The following CDC25B variants were observed in gnomAD, a reference collection of about 807,000 sequenced individuals.
The protein encoded by CDC25B is M-phase inducer phosphatase 2.
In CDC25B, 33 loss-of-function variants were observed where a neutral mutation model predicts 69.8. That is an observed-to-expected ratio of 0.47 (90% CI 0.36 to 0.63). The LOEUF (loss-of-function observed/expected upper bound fraction) is 0.63. Ranked by LOEUF, CDC25B falls within the 30% of genes least tolerant of loss-of-function variation. CDC25B has a pLI of 0.00. For synonymous variants in CDC25B, 341 were observed against 314.6 expected, an observed-to-expected ratio of 1.08 and a Z score of -0.89; for missense variants, 727 against 809.1, an observed-to-expected ratio of 0.90 and a Z score of 1.23.
chr20:3,787,251 A>G (rs2088841224), intron 1 of CDC25B: 1 of 521,350 alleles, frequency 1.9e-6, no homozygotes, highest in Non-Finnish European at 3.4e-6. Flanking sequence ...TATATCTGGC[A>G]TCTCCTGCTG....
chr20:3,790,661 C>T (rs2088900775), intron 1 of CDC25B, among the ~76,000 whole-genome samples: 1 of 152,016 alleles, frequency 6.6e-6, no homozygotes, highest in Non-Finnish European at 1.5e-5. Context: ...ACCTCTGCCT[C>T]GTAGGTTCAG....
chr20:3,790,326 A>C (rs1200375590), intron 1 of CDC25B, among the ~76,000 whole-genome samples: 2 of 151,884 alleles, frequency 1.3e-5, no homozygotes, highest in African/African-American at 4.8e-5. Flanking sequence ...CACCCATTTA[A>C]AGTGTACAGT....
Position 3,804,687 on chromosome 20 carries a change from T to G in CDC25B, c.1602+7T>G. ...GTTCTTCCCTCAGCACCCGGTAGCG[T>G]GGGTGGGGAAGGCCACAGTCTCTGT... On this transcript the variant is annotated splice_region_variant and intron_variant, in intron 15 of 15. Transcript: ENST00000245960. 7.0e-7 allele frequency: 1 copy of G among 1,430,556 alleles called. No homozygotes were observed. The highest frequency in any genetic ancestry group is 9.3e-7 in the Non-Finnish European group (1 of 1,073,970). 88.6% of individuals were successfully genotyped at this position (1,430,556 alleles called of 1,614,324 possible).
chr20:3,788,703 A>G (rs774133859), intron 1 of CDC25B, among the ~76,000 whole-genome samples: 14 of 151,742 alleles, frequency 9.2e-5, no homozygotes, highest in Non-Finnish European at 1.5e-4. Context: ...ACTCCTTGCC[A>G]TGCATCTTTT....
exon 1 of CDC25B, chr20:3,787,082 A>G (rs2088838277): frequency 1.7e-6 from 1 of 596,026 alleles, no homozygotes; most frequent in African/African-American, 1.9e-5. Context: ...TTTTTGCGGA[A>G]CCTGAAAAAT....
At chr20:3,789,990 A>G (rs953334201) in intron 1 of CDC25B, among the ~76,000 whole-genome samples, 3 of 148,010 alleles carry the variant, frequency 2.0e-5, no homozygotes, top group African/African-American at 7.4e-5. Flanking sequence ...CTCTGTCTCA[A>G]AAAAAAAAAA....
Position 3,804,668 on chromosome 20 carries a change from C to T in CDC25B, c.1590C>T (p.Phe530=). The change falls in exon 15 of 16, where the codon TTC becomes TTT. Residue 530 remains phenylalanine (F), a synonymous_variant. Transcript: ENST00000245960. Reference sequence around the variant, plus strand: ...TGAAAGGCGGCTACAAGGAGTTCTTCCCTCAGCACCCGGTAGCGTGGGTGG... The same window carrying T: ...TGAAAGGCGGCTACAAGGAGTTCTTTCCTCAGCACCCGGTAGCGTGGGTGG... The part of the protein sequence containing the change: ...YILKGGYKEF[F]PQHPNFCEPQ... 1 of 1,612,964 alleles carries T rather than the reference C, an allele frequency of 6.2e-7. No homozygotes were observed.
At chr20:3,795,047 G>A (rs2088989726), upstream of CDC25B, among the ~76,000 whole-genome samples, 1 of 152,168 alleles carries the variant, frequency 6.6e-6, no homozygotes, top group African/African-American at 2.4e-5. Context: ...GAAAACGAGC[G>A]GGGCTGGAAG....
rs964553641 is a variant in CDC25B, at chr20:3,803,705, C to T, written c.1490+168C>T. Among the ~76,000 whole-genome samples, 11 of 152,156 alleles carry T rather than the reference C, an allele frequency of 7.2e-5. No individual in the cohort carries two copies. Among genetic ancestry groups the T allele is most frequent in the African/African-American group, 1.4e-4 (6 of 41,422 alleles). ...GCCCCACTTCACTGTGCATGGTACC[C>T]GCCTCCCATCTCCCTCACTGTCCTG... On this transcript the variant is annotated intron_variant, in intron 14 of 15. Transcript: ENST00000245960. This position sits in a 1 kb window ranked among gnomAD's most constrained non-coding sequence, Gnocchi z 4.9.
chr20:3,801,260 A>C lies in CDC25B; in HGVS notation c.712A>C (p.Ser238Arg). ...PSSAPDLMCLSPDRKMEVEEL... is the reference protein window; with the variant it reads ...PSSAPDLMCLRPDRKMEVEEL... Reference sequence around the variant, plus strand: ...CTGTCTGTCATGTGGACAGTGTCTCAGTCCTGACCGGAAGATGGAAGTGGA... The same window carrying C: ...CTGTCTGTCATGTGGACAGTGTCTCCGTCCTGACCGGAAGATGGAAGTGGA... The change falls in exon 8 of 16, where the codon AGT (serine) becomes CGT (arginine). Residue 238 changes from serine (S) to arginine (R), a missense_variant. Transcript: ENST00000245960. 1 of 1,613,800 alleles carries C rather than the reference A, an allele frequency of 6.2e-7. No homozygotes were observed. The highest frequency in any genetic ancestry group is 8.5e-7 in the Non-Finnish European group (1 of 1,179,932).
At chr20:3,788,036 C>T (rs1346477626) in intron 1 of CDC25B, among the ~76,000 whole-genome samples, 1 of 152,002 alleles carries the variant, frequency 6.6e-6, no homozygotes. Context: ...ATTCGGGAGG[C>T]TGAGGCAGGA....
chr20:3,797,940 G>A (rs760119136), intron 2 of CDC25B, among the ~76,000 whole-genome samples, 191 bp downstream of exon 2: 2 of 152,178 alleles, frequency 1.3e-5, no homozygotes, highest in Non-Finnish European at 2.9e-5. Flanking sequence ...CACACCCAAC[G>A]CGGACTGGCT....
At chr20:3,801,479 A>G in intron 8 of CDC25B, 91 bp downstream of exon 8, 2 of 1,420,932 alleles carry the variant, frequency 1.4e-6, no homozygotes, top group African/African-American at 1.4e-5. Flanking sequence ...CAGGACCATG[A>G]TGTCATTCCA....
At position 3,804,930 on chromosome 20, in the gene CDC25B, G is replaced by A. The variant is rs768615877; in HGVS notation, c.1712G>A (p.Arg571Gln). ...AGCTGGGCTGGGGAGCGGAGCCGGC[G>A]GGAGCTCTGTAGCCGGCTGCAGGAC... ...TRSWAGERSR[R>Q]ELCSRLQDQ Residue 571 changes from arginine (R) to glutamine (Q), a missense_variant, in exon 16 of 16, where the codon CGG (arginine) becomes CAG (glutamine). Physicochemically the swap from Arg to Gln is conservative, Grantham distance 43. This residue lies in a region of CDC25B where 359 missense variants were observed against 463.4 expected (regional missense o/e 0.77). Transcript: ENST00000245960. 1.4e-5 allele frequency: 22 copies of A among 1,613,360 alleles called. No homozygotes were observed. The highest frequency in any genetic ancestry group is 2.2e-5 in the East Asian group (1 of 44,898).
In CDC25B at chr20:3,800,724, G is replaced by A. The variant is rs749680272; in HGVS notation, c.460-19G>A. ...TGCAGCCTTCATTCCTCTGCCTGCC[G>A]CCCTGCCTGGCTCTCTAGGTGAGGC... On this transcript the variant is annotated intron_variant, in intron 5 of 15. Transcript: ENST00000245960. 1.2e-5 allele frequency: 17 copies of A among 1,402,922 alleles called. No homozygotes were observed. Among genetic ancestry groups the A allele is most frequent in the Non-Finnish European group, 1.6e-5 (16 of 1,001,624 alleles). The allele number at this position is 1,402,922 out of a possible 1,614,324, so 86.9% of individuals were successfully genotyped here.
chr20:3,802,864 C>T, intron 11 of CDC25B, 46 bp from the exon 12 acceptor site: 1 of 1,478,682 alleles, frequency 6.8e-7, no homozygotes, highest in East Asian at 2.3e-5. Context: ...CTGGTCTTAC[C>T]AATTTAACTT....
intron 1 of CDC25B, among the ~76,000 whole-genome samples, chr20:3,787,527 A>G (rs1796874895): frequency 6.6e-6 from 1 of 152,230 alleles, no homozygotes; most frequent in Non-Finnish European, 1.5e-5. Flanking sequence ...GGGCTTTTCC[A>G]TGCATATAGC....
chr20:3,799,521 TGTGTGCGC>T (rs972635060), intron 3 of CDC25B, among the ~76,000 whole-genome samples: 1 of 50,656 alleles, frequency 2.0e-5, no homozygotes, highest in African/African-American at 8.9e-5. Context: ...TGTGTGTGTG[TGTGTGCGC>T]GCGCGCGCGT....
In CDC25B at chr20:3,796,743, C is replaced by T; in HGVS notation, c.200+12C>T. ...GCCGGGCTCGGCAGGTAGGACACCCCAAGGAGGCTGCATATGGGGGTGAGA... is the reference window on the plus strand; with the variant it reads ...GCCGGGCTCGGCAGGTAGGACACCCTAAGGAGGCTGCATATGGGGGTGAGA... On this transcript the variant is annotated intron_variant, in intron 1 of 15. Coordinates refer to ENST00000245960, the MANE Select transcript of CDC25B (RefSeq NM_021873.4). 2 of 1,557,844 alleles carry T rather than the reference C, an allele frequency of 1.3e-6. No individual in the cohort carries two copies. Among genetic ancestry groups the T allele is most frequent in the South Asian group, 2.3e-5 (2 of 86,152 alleles).
Sources: gnomAD v4.1 joint callset for allele counts (sites outside exome capture counted in the v4.1 genomes callset) on GRCh38, gnomAD v4.1.1 for gene constraint, gnomAD v4.1.1 regional missense constraint, Gnocchi (gnomAD v3.1) non-coding constraint, MANE v1.5 for transcripts, NCBI Gene and HGNC (gene_info 2026-07-23, HGNC 2026-07-21) for gene names.